CA10: variants seen among roughly 807,000 people sequenced by gnomAD.
CA10 encodes carbonic anhydrase 10 (inactive), also known as carbonic anhydrase-related protein 10.
Under a neutral mutation model 44.2 loss-of-function variants are expected in CA10, and 14 were observed. The observed-to-expected ratio is 0.32, with a 90% CI of 0.21 to 0.50. The LOEUF (loss-of-function observed/expected upper bound fraction) is 0.50. Ranked by LOEUF, CA10 falls within the 20% of genes least tolerant of loss-of-function variation. CA10 has a pLI of 0.99. For synonymous variants in CA10, 159 were observed against 141.6 expected (o/e 1.12, Z -0.87); for missense variants, 350 against 409.7 (o/e 0.85, Z 1.26).
intron 3 of CA10, among the ~76,000 whole-genome samples, chr17:51,771,914 G>T (rs1905628104): frequency 6.6e-6 from 1 of 152,202 alleles, no homozygotes; most frequent in Admixed American, 6.5e-5. Flanking sequence ...TGAAGTAGGA[G>T]CAGGCATCCC....
chr17:51,657,073 T>C (rs1261118999), intron 4 of CA10, among the ~76,000 whole-genome samples: 25 of 152,176 alleles, frequency 1.6e-4, no homozygotes, highest in Admixed American at 1.6e-3. Context: ...GGGTATTTAA[T>C]TTCAGATGAT....
intron 2 of CA10, among the ~76,000 whole-genome samples, chr17:51,983,659 A>G (rs2144091458): frequency 6.6e-6 from 1 of 151,984 alleles, no homozygotes; most frequent in African/African-American, 2.4e-5. Flanking sequence ...GCAAAACAAA[A>G]TAAGACACCA....
chr17:51,773,815 T>C (rs1905702900), intron 3 of CA10, among the ~76,000 whole-genome samples: 1 of 152,228 alleles, frequency 6.6e-6, no homozygotes, highest in Admixed American at 6.5e-5. Context: ...TTTTCCTTCC[T>C]GCTTTCAGAA....
intron 4 of CA10, among the ~76,000 whole-genome samples, chr17:51,663,021 C>T (rs1447687857): frequency 3.3e-5 from 5 of 152,096 alleles, no homozygotes; most frequent in Non-Finnish European, 4.4e-5. Flanking sequence ...TAATGTGGGG[C>T]TACTTATCCC....
intron 3 of CA10, among the ~76,000 whole-genome samples, chr17:51,763,692 T>C (rs1598032925): frequency 6.6e-6 from 1 of 152,326 alleles, no homozygotes; most frequent in Non-Finnish European, 1.5e-5. Context: ...GTCAATGAAC[T>C]TAAATGCTCA....
Position 51,776,772 on chromosome 17 carries a change from C to T in CA10, c.280-28954G>A, listed in dbSNP as rs147959256. ...TAAAATGTCAGTTGTTTGCACTAGC[C>T]CCATTTCAAGACCTCAGTAGTCACA... On this transcript the variant is annotated intron_variant, in intron 3 of 8. Coordinates refer to ENST00000451037, the MANE Select transcript of CA10 (RefSeq NM_020178.5). Among the ~76,000 whole-genome samples, 36 of 152,274 alleles carry T rather than the reference C, an allele frequency of 2.4e-4. No homozygotes were observed. In the East Asian group the frequency reaches 5.0e-3, roughly 21 times the overall value.
At chr17:51,684,677 G>T (rs1392665168) in intron 4 of CA10, among the ~76,000 whole-genome samples, 1 of 152,148 alleles carries the variant, frequency 6.6e-6, no homozygotes, top group Non-Finnish European at 1.5e-5. Context: ...GTATTAATTT[G>T]CTCACTATGA....
intron 3 of CA10, among the ~76,000 whole-genome samples, chr17:51,899,587 G>A (rs2143927616): frequency 6.6e-6 from 1 of 152,116 alleles, no homozygotes; most frequent in Admixed American, 6.6e-5. Context: ...GTCTAGCTCA[G>A]GTCCCAAACA....
At chr17:51,860,223 T>A (rs1979241254) in intron 3 of CA10, among the ~76,000 whole-genome samples, 1 of 152,182 alleles carries the variant, frequency 6.6e-6, no homozygotes, top group South Asian at 2.1e-4. Context: ...AAATGGCATA[T>A]GCTTTTACAG....
At chr17:52,045,338 A>C (rs1412650398) in intron 2 of CA10, among the ~76,000 whole-genome samples, 1 of 150,682 alleles carries the variant, frequency 6.6e-6, no homozygotes, top group Non-Finnish European at 1.5e-5. Flanking sequence ...ATCGTATAGA[A>C]AATGATAGCT....
At chr17:51,823,389 T>C (rs1299992082) in intron 3 of CA10, among the ~76,000 whole-genome samples, 1 of 152,226 alleles carries the variant, frequency 6.6e-6, no homozygotes, top group East Asian at 1.9e-4. Flanking sequence ...GCTGGTGTCC[T>C]CTACTCGTGG....
At chr17:52,138,386 C>T (rs1190096072) in intron 1 of CA10, among the ~76,000 whole-genome samples, 43 of 152,124 alleles carry the variant, frequency 2.8e-4, no homozygotes, top group Non-Finnish European at 1.5e-5. Flanking sequence ...TAAACATATT[C>T]ATAGGTTCCT....
chr17:52,158,739 G>C (rs1989876282), upstream of CA10: 1 of 152,452 alleles, frequency 6.6e-6, no homozygotes, highest in African/African-American at 2.4e-5. Context: ...TTATTTCCTC[G>C]CCTACGGATC....
At chr17:51,681,709 T>A (rs897232626) in intron 4 of CA10, among the ~76,000 whole-genome samples, 3 of 152,128 alleles carry the variant, frequency 2.0e-5, no homozygotes, top group Non-Finnish European at 4.4e-5. Context: ...ATGTAAGGGG[T>A]ACAATTGCAG....
chr17:51,702,356 A>G (rs1915630029), intron 4 of CA10, among the ~76,000 whole-genome samples: 1 of 151,798 alleles, frequency 6.6e-6, no homozygotes, highest in African/African-American at 2.4e-5. Flanking sequence ...CCTTTATATG[A>G]CCTTGCCTTG....
chr17:51,874,571 G>C (rs527428458), intron 3 of CA10, among the ~76,000 whole-genome samples: 2 of 152,114 alleles, frequency 1.3e-5, no homozygotes, highest in African/African-American at 4.8e-5. Context: ...GCATATGAGA[G>C]AGCACCAGGT....
At chr17:52,079,093 T>C in intron 1 of CA10, among the ~76,000 whole-genome samples, 1 of 152,164 alleles carries the variant, frequency 6.6e-6, no homozygotes, top group Non-Finnish European at 1.5e-5. Flanking sequence ...GAGACCATCC[T>C]GGCTCACACG....
chr17:51,712,142 C>A (rs542634856), intron 4 of CA10, among the ~76,000 whole-genome samples: 1 of 152,340 alleles, frequency 6.6e-6, no homozygotes, highest in African/African-American at 2.4e-5. Flanking sequence ...GGGTCATCAA[C>A]AAATGTGTGT....
intron 2 of CA10, among the ~76,000 whole-genome samples, chr17:51,959,358 C>G (rs1983796085): frequency 6.6e-6 from 1 of 150,900 alleles, no homozygotes; most frequent in Admixed American, 6.6e-5. Context: ...TCCAGTCTCT[C>G]TCTGGTTGTT....
Sources: allele counts gnomAD v4.1 joint callset (sites outside exome capture counted in the v4.1 genomes callset), GRCh38; gene constraint gnomAD v4.1.1; transcripts MANE v1.5; gene names NCBI Gene and HGNC (gene_info 2026-07-23, HGNC 2026-07-21).